TRIM15: variants seen among roughly 807,000 people sequenced by gnomAD.
TRIM15 encodes the protein tripartite motif containing 15.
In TRIM15, 35 loss-of-function variants were observed where a neutral mutation model predicts 35.8. The ratio of observed to expected loss-of-function variants is 0.98; its 90% CI spans 0.75 to 1.30. The LOEUF is 1.30. TRIM15 is among the 50% of genes most tolerant of loss of function. The pLI, the probability that TRIM15 is intolerant of heterozygous loss-of-function variation, is 0.00. For synonymous variants in TRIM15, 252 were observed against 249.8 expected, an observed-to-expected ratio of 1.01 and a Z score of -0.08; for missense variants, 590 against 593.5, an observed-to-expected ratio of 0.99 and a Z score of 0.06.
chr6:30,167,102 G>A, intron 1 of TRIM15, 74 bp from the exon 2 acceptor site: 1 of 1,362,558 alleles, frequency 7.3e-7, no homozygotes. Flanking sequence ...AGTGTGCCCA[G>A]GATGTGATAG....
chr6:30,166,589 T>C (rs1448088757), intron 1 of TRIM15, among the ~76,000 whole-genome samples: 1 of 152,196 alleles, frequency 6.6e-6, no homozygotes, highest in Non-Finnish European at 1.5e-5. Flanking sequence ...CTATGTGGGC[T>C]CTTTATTGGT....
At position 30,163,594 on chromosome 6, in the gene TRIM15, T is replaced by G; in HGVS notation, c.-91T>G. 2.2e-6 allele frequency: 3 copies of G among 1,391,608 alleles called. No homozygotes were observed. The highest frequency in any genetic ancestry group is 2.9e-6 in the Non-Finnish European group (3 of 1,043,096). 86.2% of individuals were successfully genotyped at this position (1,391,608 alleles called of 1,614,324 possible). Reference sequence around the variant, plus strand: ...TCTTAGCCTTGCAGCCGTTTCCCTCTGCGATTCATGTAAGTGTGACTCGAT... The same window carrying G: ...TCTTAGCCTTGCAGCCGTTTCCCTCGGCGATTCATGTAAGTGTGACTCGAT... On this transcript the variant is annotated 5_prime_UTR_variant, in exon 1 of 7. Transcript: ENST00000376694.
At chr6:30,164,860 G>A (rs1280201141) in intron 1 of TRIM15, among the ~76,000 whole-genome samples, 11 of 152,124 alleles carry the variant, frequency 7.2e-5, no homozygotes, top group Non-Finnish European at 1.6e-4. Context: ...TCTTTAGCAA[G>A]ACATTCAAGG....
intron 2 of TRIM15, among the ~76,000 whole-genome samples, chr6:30,167,857 C>T (rs141393211): frequency 1.2e-3 from 176 of 152,278 alleles, no homozygotes; most frequent in African/African-American, 4.0e-3. Flanking sequence ...CATCCCTCAG[C>T]TCTCATCAAC....
In TRIM15 at chr6:30,164,024, C is replaced by G; in HGVS notation, c.340C>G (p.His114Asp). The change falls in exon 1 of 7, where the codon CAC becomes GAC. Residue 114 changes from histidine to aspartate, a missense_variant. Transcript: ENST00000376694. ...FCREGPTHQAHTVGFLDEAIQ... is the reference protein window; with the variant it reads ...FCREGPTHQADTVGFLDEAIQ... ...CAGGGAGGGTCCCACGCACCAGGCG[C>G]ACACCGTGGGGTTCCTGGACGAGGC... The G allele has an allele frequency of 6.2e-7, 1 of 1,612,992 alleles. No homozygotes were observed. The highest frequency in any genetic ancestry group is 8.5e-7 in the Non-Finnish European group (1 of 1,179,960).
At chr6:30,169,312 G>C in intron 4 of TRIM15, 49 bp downstream of exon 4, 1 of 1,611,498 alleles carries the variant, frequency 6.2e-7, no homozygotes, top group East Asian at 2.2e-5. Flanking sequence ...CATCAAGACT[G>C]AATGGGAAGG....
chr6:30,168,646 G>A (rs772029054), intron 3 of TRIM15, 116 bp downstream of exon 3: 5 of 1,008,222 alleles, frequency 5.0e-6, no homozygotes, highest in African/African-American at 1.6e-5. Flanking sequence ...AGGTTAACGG[G>A]GTGCAGATCC....
chr6:30,168,629 T>A (rs928368398), intron 3 of TRIM15, 99 bp downstream of exon 3: 1 of 1,160,130 alleles, frequency 8.6e-7, no homozygotes, highest in Non-Finnish European at 1.2e-6. Context: ...GAAAGGGAAG[T>A]GGAGAGAGGT....
chr6:30,163,981 G>A lies in TRIM15; in HGVS notation c.297G>A (p.Glu99=). The A allele has an allele frequency of 6.2e-7, 1 of 1,613,146 alleles. No individual in the cohort carries two copies. The highest frequency in any genetic ancestry group is 1.3e-5 in the African/African-American group (1 of 75,066). The part of the protein sequence containing the change: ...KIYFFCENDA[E]FLCVFCREGP... ...ACTTCTTCTGCGAGAACGATGCCGAGTTCCTCTGTGTGTTCTGCAGGGAGG... is the reference window on the plus strand; with the variant it reads ...ACTTCTTCTGCGAGAACGATGCCGAATTCCTCTGTGTGTTCTGCAGGGAGG... The change falls in exon 1 of 7, where the codon GAG becomes GAA. Residue 99 remains glutamate (E), a synonymous_variant. Transcript: ENST00000376694.
chr6:30,169,431 C>T (rs370554222), intron 4 of TRIM15, 168 bp downstream of exon 4: 26 of 781,714 alleles, frequency 3.3e-5, no homozygotes, highest in African/African-American at 1.0e-4. Flanking sequence ...TAAAGATTTG[C>T]GTTCTAAAGG....
intron 1 of TRIM15, among the ~76,000 whole-genome samples, chr6:30,165,424 G>A (rs1016749111): frequency 6.6e-6 from 1 of 152,164 alleles, no homozygotes; most frequent in African/African-American, 2.4e-5. Flanking sequence ...CCCTGCAAAG[G>A]ACATGAACAC....
In TRIM15 at chr6:30,164,035, G is replaced by C; in HGVS notation, c.351G>C (p.Gly117=). Residue 117 remains glycine (G), a synonymous_variant, in exon 1 of 7, where the codon GGG becomes GGC. Coordinates refer to ENST00000376694, the MANE Select transcript of TRIM15 (RefSeq NM_033229.3). ...CCACGCACCAGGCGCACACCGTGGG[G>C]TTCCTGGACGAGGCCATTCAGCCCT... ...EGPTHQAHTV[G]FLDEAIQPYR... 6 of 1,612,814 alleles carry C rather than the reference G, an allele frequency of 3.7e-6. No homozygotes were observed. Among genetic ancestry groups the C allele is most frequent in the Non-Finnish European group, 5.1e-6 (6 of 1,179,842 alleles).
intron 2 of TRIM15, 65 bp downstream of exon 2, chr6:30,167,336 C>CGTTGG: frequency 7.5e-7 from 1 of 1,334,266 alleles, no homozygotes; most frequent in Non-Finnish European, 1.1e-6. Flanking sequence ...TGGGGAAACC[C>CGTTGG]GTTGGCTGGT....
intron 3 of TRIM15, 174 bp downstream of exon 3, chr6:30,168,704 G>C (rs1433513185): frequency 3.2e-5 from 21 of 660,364 alleles, no homozygotes; most frequent in African/African-American, 2.2e-4. Flanking sequence ...TCATGTTAAG[G>C]GGTTTAGGGT....
rs1305778254 is a variant in TRIM15 at position 30,163,564 on chromosome 6, C to T, written c.-121C>T. On this transcript the variant is annotated 5_prime_UTR_variant, in exon 1 of 7. Transcript: ENST00000376694. The stretch of plus-strand genomic sequence containing the variant: ...TGCCTCTCTCTCTCTTTCTCTCTCT[C>T]TGTCTCTTAGCCTTGCAGCCGTTTC... 4 of 1,302,236 alleles carry T rather than the reference C, an allele frequency of 3.1e-6. No homozygotes were observed. The African/African-American group carries it at 5.9e-5, about 19-fold the overall frequency. The allele number at this position is 1,302,236 out of a possible 1,614,324, so 80.7% of individuals were successfully genotyped here.
At chr6:30,167,089 A>G in intron 1 of TRIM15, 87 bp from the exon 2 acceptor site, 1 of 1,232,274 alleles carries the variant, frequency 8.1e-7, no homozygotes. Context: ...CTCAGCACTC[A>G]ACAGTGTGCC....
At chr6:30,167,333 A>T in intron 2 of TRIM15, 62 bp downstream of exon 2, 1 of 1,374,320 alleles carries the variant, frequency 7.3e-7, no homozygotes, top group Non-Finnish European at 1.0e-6. Context: ...CTCTGGGGAA[A>T]CCCGTTGGCT....
At chr6:30,171,328 T>A (rs1774002224) in intron 6 of TRIM15, among the ~76,000 whole-genome samples, 2 of 152,224 alleles carry the variant, frequency 1.3e-5, no homozygotes, top group Non-Finnish European at 2.9e-5. Context: ...TGTGTAGATA[T>A]TACTCGTTGA....
At position 30,167,200 on chromosome 6, in the gene TRIM15, G is replaced by T; in HGVS notation, c.406G>T (p.Ala136Ser). Residue 136 changes from alanine (A) to serine (S), a missense_variant, in exon 2 of 7, where the codon GCT becomes TCT. Coordinates refer to ENST00000376694, the MANE Select transcript of TRIM15 (RefSeq NM_033229.3). ...YRDRLRSRLE[A>S]LSTERDEIED... ...GGATCGTCTCAGGAGTCGACTGGAA[G>T]CTCTGAGCACGGAGAGAGATGAGAT... 1 of 1,613,092 alleles carries T rather than the reference G, an allele frequency of 6.2e-7. No homozygotes were observed. The highest frequency in any genetic ancestry group is 1.1e-5 in the South Asian group (1 of 91,084).
Sources: allele counts gnomAD v4.1 joint callset (sites outside exome capture counted in the v4.1 genomes callset), GRCh38; gene constraint gnomAD v4.1.1; transcripts MANE v1.5; gene names NCBI Gene and HGNC (gene_info 2026-07-23, HGNC 2026-07-21).